Variants in RHOT1 observed in about 807,000 individuals in gnomAD.
RHOT1 encodes ras homolog family member T1, also known as mitochondrial Rho GTPase 1.
In RHOT1, 27 loss-of-function variants were observed where a neutral mutation model predicts 95.3. The observed-to-expected ratio is 0.28, with a 90% CI of 0.21 to 0.39. The LOEUF (loss-of-function observed/expected upper bound fraction) is 0.39, where lower values mean the gene tolerates loss of function less well. RHOT1 is among the 10% of genes least tolerant of loss of function. The pLI, the probability that RHOT1 is intolerant of heterozygous loss-of-function variation, is 1.00. For synonymous variants in RHOT1, 227 were observed against 263.5 expected (o/e 0.86, Z 1.34); for missense variants, 578 against 786.7 (o/e 0.73, Z 3.17).
chr17:32,151,021 GT>G (rs1430980535), intron 1 of RHOT1: 1 of 1,479,276 alleles, frequency 6.8e-7, no homozygotes, highest in African/African-American at 1.4e-5. Context: ...AAACCTGGGA[GT>G]GGGGGAAGAG....
chr17:32,189,697 CT>C (rs1316105050), intron 8 of RHOT1, among the ~76,000 whole-genome samples: 3 of 148,398 alleles, frequency 2.0e-5, no homozygotes, highest in Non-Finnish European at 3.0e-5. Flanking sequence ...ATAACGGAAT[CT>C]TTTATTTAGA....
intron 1 of RHOT1, among the ~76,000 whole-genome samples, chr17:32,148,708 C>T (rs1029843166): frequency 1.3e-5 from 2 of 152,306 alleles, no homozygotes; most frequent in Non-Finnish European, 2.9e-5. Flanking sequence ...GAGCCAACAA[C>T]GCTTCTTACT....
At chr17:32,196,351 C>T (rs547033179) in intron 11 of RHOT1, among the ~76,000 whole-genome samples, 65 of 152,012 alleles carry the variant, frequency 4.3e-4, no homozygotes, top group Non-Finnish European at 7.6e-4. Flanking sequence ...GCCACCATTC[C>T]CAGATAATTT....
At chr17:32,176,310 C>A in intron 6 of RHOT1, 97 bp downstream of exon 6, 2 of 917,062 alleles carry the variant, frequency 2.2e-6, no homozygotes, top group South Asian at 1.6e-5. Flanking sequence ...AAATCCTTCA[C>A]TTAAATTTAC....
chr17:32,199,943 CTTTT>C (rs71362808), intron 13 of RHOT1, among the ~76,000 whole-genome samples: 2 of 128,734 alleles, frequency 1.6e-5, no homozygotes, highest in Admixed American at 7.9e-5. Flanking sequence ...TTAATGAACT[CTTTT>C]TTTTTTTTTT....
intron 14 of RHOT1, among the ~76,000 whole-genome samples, 179 bp downstream of exon 14, chr17:32,201,235 A>C (rs2037294484): frequency 1.3e-5 from 2 of 152,198 alleles, no homozygotes; most frequent in Admixed American, 6.5e-5. Flanking sequence ...ATTGTTTATG[A>C]AAAGAAAGAA....
At chr17:32,191,406 C>A (rs1467228125) in intron 8 of RHOT1, among the ~76,000 whole-genome samples, 1 of 152,176 alleles carries the variant, frequency 6.6e-6, no homozygotes, top group Non-Finnish European at 1.5e-5. Context: ...AAAGATCTAT[C>A]TCCAAGCTTA....
At chr17:32,175,244 C>A in intron 3 of RHOT1, 75 bp from the exon 4 acceptor site, 1 of 1,232,002 alleles carries the variant, frequency 8.1e-7, no homozygotes, top group Non-Finnish European at 1.2e-6. Flanking sequence ...ATGAGTGTTG[C>A]ATAGAATTTA....
chr17:32,198,629 A>G (rs1232564309), intron 11 of RHOT1, among the ~76,000 whole-genome samples: 2 of 152,158 alleles, frequency 1.3e-5, no homozygotes, highest in Non-Finnish European at 2.9e-5. Context: ...AGATTGATTG[A>G]GCCCAGGAGG....
intron 16 of RHOT1, among the ~76,000 whole-genome samples, chr17:32,205,795 C>T (rs563313041): frequency 2.2e-4 from 33 of 152,316 alleles, no homozygotes; most frequent in Admixed American, 4.6e-4. Flanking sequence ...ATCTGCCCAC[C>T]TCAGTCTCCC....
intron 17 of RHOT1, among the ~76,000 whole-genome samples, chr17:32,207,748 G>A (rs192627649): frequency 1.2e-3 from 177 of 152,266 alleles, no homozygotes; most frequent in African/African-American, 4.0e-3. Context: ...ATGTGCTCAA[G>A]GACTAGAGGT....
intron 8 of RHOT1, among the ~76,000 whole-genome samples, chr17:32,189,736 C>CT (rs71362807): frequency 0.27 from 33,314 of 124,400 alleles, 5,630 homozygotes; most frequent in African/African-American, 0.46. Flanking sequence ...CTTTTCTTTT[C>CT]TTTTTTTTTT....
At position 32,176,219 on chromosome 17, in the gene RHOT1, T is replaced by C. The variant is rs781639715; in HGVS notation, c.329+6T>C. The C allele has an allele frequency of 1.4e-5, 23 of 1,603,888 alleles. No individual in the cohort carries two copies. Among genetic ancestry groups the C allele is most frequent in the Non-Finnish European group, 8.5e-6 (10 of 1,174,984 alleles). On this transcript the variant is annotated splice_donor_region_variant and intron_variant, in intron 6 of 19. Coordinates refer to ENST00000545287, the MANE Select transcript of RHOT1 (RefSeq NM_001033566.3). Reference sequence around the variant, plus strand: ...AGAACAGACAAAGACAGCAGGTATTTTTTCCTCTCTCAAACTTTTTATAAT... The same window carrying C: ...AGAACAGACAAAGACAGCAGGTATTCTTTCCTCTCTCAAACTTTTTATAAT...
chr17:32,212,989 C>T (rs1446021084), intron 19 of RHOT1, among the ~76,000 whole-genome samples: 1 of 152,084 alleles, frequency 6.6e-6, no homozygotes, highest in Non-Finnish European at 1.5e-5. Flanking sequence ...TGTAGTGCGA[C>T]TAGTCCAGAA....
Position 32,169,381 on chromosome 17 carries a change from G to A in RHOT1, c.38-1662G>A, listed in dbSNP as rs192618104. On this transcript the variant is annotated intron_variant, in intron 1 of 19. Transcript: ENST00000545287. ...AGTAATTATATGATCAGAAAGTGAC[G>A]GGAATACAAGTCAAATTTCATAATA... 3.6e-3 allele frequency among the ~76,000 whole-genome samples: 543 copies of A among 152,224 alleles called. 19 individuals are homozygous for A. The highest frequency in any genetic ancestry group is 0.032 in the Admixed American group (485 of 15,274).
intron 1 of RHOT1, chr17:32,142,982 C>A (rs1320938190): frequency 2.8e-6 from 2 of 711,578 alleles, no homozygotes; most frequent in East Asian, 2.7e-5. Flanking sequence ...TGTTCCCCAG[C>A]CGTCCTCCCA....
intron 1 of RHOT1, among the ~76,000 whole-genome samples, chr17:32,161,793 C>A (rs1306155811): frequency 6.6e-6 from 1 of 152,216 alleles, no homozygotes; most frequent in African/African-American, 2.4e-5. Flanking sequence ...CAGCAGCATG[C>A]ACTTTGGCCT....
chr17:32,214,940 C>T (rs2038372944), intron 19 of RHOT1, among the ~76,000 whole-genome samples: 1 of 139,120 alleles, frequency 7.2e-6, no homozygotes, highest in Admixed American at 7.3e-5. Context: ...GGAGTCTCAC[C>T]CTGCCACCCA....
chr17:32,188,299 C>G (rs984259966), intron 8 of RHOT1, among the ~76,000 whole-genome samples: 2 of 152,208 alleles, frequency 1.3e-5, no homozygotes, highest in Non-Finnish European at 2.9e-5. Flanking sequence ...GATGCAAATG[C>G]AAAGGAAATT....
Sources: gnomAD v4.1 joint callset for allele counts (sites outside exome capture counted in the v4.1 genomes callset) on GRCh38, gnomAD v4.1.1 for gene constraint, MANE v1.5 for transcripts, NCBI Gene and HGNC (gene_info 2026-07-23, HGNC 2026-07-21) for gene names.